Variants in NID1 observed in about 807,000 individuals in gnomAD.
The protein encoded by NID1 is nidogen 1.
A neutral mutation model predicts 130.6 loss-of-function variants in NID1; 76 were observed. The ratio of observed to expected loss-of-function variants is 0.58; its 90% CI spans 0.48 to 0.70. The LOEUF (loss-of-function observed/expected upper bound fraction) is 0.70, where lower values mean the gene tolerates loss of function less well. Among genes scored for constraint, NID1 ranks in the 30% least tolerant of loss-of-function variants. The pLI, the probability that NID1 is intolerant of heterozygous loss-of-function variation, is 0.00. For synonymous variants in NID1, 665 were observed against 675.1 expected (o/e 0.98, Z 0.23); for missense variants, 1,517 against 1,664.8 (o/e 0.91, Z 1.54).
chr1:236,057,668 A>C lies in NID1; in HGVS notation c.225+7187T>G, dbSNP rs769501528. ...AGCCGAAATCTCGCCACTGCACTCC[A>C]GCCTGGGCAACAGAGTAAGACTGAA... On this transcript the variant is annotated intron_variant, in intron 1 of 19. Transcript: ENST00000264187. Among the ~76,000 whole-genome samples the C allele has an allele frequency of 5.3e-4, 80 of 151,968 alleles. 1 individual carries two copies. Among genetic ancestry groups the C allele is most frequent in the Middle Eastern group, 3.2e-3 (1 of 314 alleles).
chr1:236,063,838 C>A (rs1660112224), intron 1 of NID1, among the ~76,000 whole-genome samples: 1 of 152,182 alleles, frequency 6.6e-6, no homozygotes, highest in Non-Finnish European at 1.5e-5. Context: ...CAGGCTTCAC[C>A]AGTGTGCAAA....
At chr1:235,996,394 T>A (rs1039342261) in intron 12 of NID1, among the ~76,000 whole-genome samples, 5 of 152,252 alleles carry the variant, frequency 3.3e-5, no homozygotes, top group South Asian at 2.1e-4. Context: ...GGTGCTTTTT[T>A]AAAAAATATA....
At position 236,048,971 on chromosome 1, in the gene NID1, T is replaced by C. The variant is rs756110563; in HGVS notation, c.244A>G (p.Ile82Val). Residue 82 changes from isoleucine to valine, a missense_variant, in exon 2 of 20, where the codon ATT (isoleucine) becomes GTT (valine). Physicochemically the swap from Ile to Val is conservative, Grantham distance 29. Coordinates refer to ENST00000264187, the MANE Select transcript of NID1 (RefSeq NM_002508.3). The part of the protein sequence containing the change: ...DAVYVTTNGI[I>V]ATSEPPAKES... The stretch of plus-strand genomic sequence containing the variant: ...TTGGCCGGGGGTTCACTCGTAGCAA[T>C]GATGCCATTTGTGGTGACCTGTACA... 4 of 1,613,828 alleles carry C rather than the reference T, an allele frequency of 2.5e-6. No individual in the cohort carries two copies. Among genetic ancestry groups the C allele is most frequent in the Admixed American group, 3.3e-5 (2 of 59,880 alleles).
chr1:236,040,958 C>T (rs899073283), intron 4 of NID1, among the ~76,000 whole-genome samples: 2 of 152,154 alleles, frequency 1.3e-5, no homozygotes, highest in Non-Finnish European at 2.9e-5. Context: ...AGCCACTGTG[C>T]CTGGCTAGAA....
At position 236,048,823 on chromosome 1, in the gene NID1, G is replaced by T. The variant is rs1473024511; in HGVS notation, c.392C>A (p.Thr131Asn). The T allele has an allele frequency of 6.2e-7, 1 of 1,614,056 alleles. No individual in the cohort carries two copies. The highest frequency in any genetic ancestry group is 8.5e-7 in the Non-Finnish European group (1 of 1,180,042). The part of the protein sequence containing the change: ...YYREDLSPSI[T>N]QRAAECVHRG... The stretch of plus-strand genomic sequence containing the variant: ...GTGGACACACTCTGCTGCTCGCTGA[G>T]TGATGGAGGGGGATAAGTCTTCTCG... Residue 131 changes from threonine to asparagine, a missense_variant, in exon 2 of 20, where the codon ACT becomes AAT. Coordinates refer to ENST00000264187, the MANE Select transcript of NID1 (RefSeq NM_002508.3).
At chr1:235,997,515 A>G (rs959233394) in intron 12 of NID1, among the ~76,000 whole-genome samples, 1 of 152,048 alleles carries the variant, frequency 6.6e-6, no homozygotes, top group African/African-American at 2.4e-5. Flanking sequence ...TAATAATAAA[A>G]AATATACTGT....
rs1360741179 is a variant in NID1 at position 236,042,309 on chromosome 1, G to T, written c.753-17C>A. The T allele has an allele frequency of 1.3e-6, 2 of 1,592,214 alleles. No homozygotes were observed. Among genetic ancestry groups the T allele is most frequent in the Non-Finnish European group, 1.7e-6 (2 of 1,174,954 alleles). Reference sequence around the variant, plus strand: ...TTACTACTCCTAGGAGGAAGGACAGGCTTCTTAGAAACAGGCCAGCAACCC... The same window carrying T: ...TTACTACTCCTAGGAGGAAGGACAGTCTTCTTAGAAACAGGCCAGCAACCC... On this transcript the variant is annotated splice_polypyrimidine_tract_variant and intron_variant, in intron 3 of 19. Coordinates refer to ENST00000264187, the MANE Select transcript of NID1 (RefSeq NM_002508.3).
intron 14 of NID1, among the ~76,000 whole-genome samples, chr1:235,987,591 C>T (rs891850349): frequency 2.6e-5 from 4 of 152,176 alleles, no homozygotes; most frequent in African/African-American, 7.2e-5. Flanking sequence ...CAGGAAGAAG[C>T]TGCCGGGCTG....
At chr1:235,984,409 G>GA (rs1572576310) in intron 15 of NID1, among the ~76,000 whole-genome samples, 1 of 152,084 alleles carries the variant, frequency 6.6e-6, no homozygotes, top group South Asian at 2.1e-4. Context: ...ACAAAGAAGG[G>GA]AAAAAATGCT....
intron 12 of NID1, among the ~76,000 whole-genome samples, chr1:236,009,960 C>G (rs541407185): frequency 7.2e-5 from 11 of 152,262 alleles, no homozygotes; most frequent in Non-Finnish European, 1.5e-4. Flanking sequence ...AGCCTACACG[C>G]CTGGATCTGT....
intron 1 of NID1, 83 bp downstream of exon 1, chr1:236,064,772 C>T (rs1660145443): frequency 2.2e-6 from 3 of 1,344,984 alleles, no homozygotes; most frequent in Admixed American, 2.2e-5. Context: ...CCGCCTGCTA[C>T]GCCCAAGTCC....
intron 13 of NID1, among the ~76,000 whole-genome samples, chr1:235,991,586 G>A (rs1657740294): frequency 6.6e-6 from 1 of 152,026 alleles, no homozygotes; most frequent in African/African-American, 2.4e-5. Context: ...GCCCACCTAG[G>A]TCTCCCAAAG....
Position 235,985,408 on chromosome 1 carries a change from C to A in NID1, c.3026G>T (p.Gly1009Val). 6.2e-7 allele frequency: 1 copy of A among 1,614,096 alleles called. No individual in the cohort carries two copies. The highest frequency in any genetic ancestry group is 8.5e-7 in the Non-Finnish European group (1 of 1,179,980). ...EPSIGRASLHGGEPTTIIRQD... is the reference protein window; with the variant it reads ...EPSIGRASLHVGEPTTIIRQD... ...TCTAATGATGGTGGTTGGCTCTCCA[C>A]CATGTAGACTAGCTCTCCCAATGGA... Residue 1009 changes from glycine (G) to valine (V), a missense_variant, in exon 15 of 20, where the codon GGT (glycine) becomes GTT (valine). Gly to Val is a moderately radical substitution (Grantham distance 109). Coordinates refer to ENST00000264187, the MANE Select transcript of NID1 (RefSeq NM_002508.3).
At chr1:236,009,029 T>C (rs1457935633) in intron 12 of NID1, among the ~76,000 whole-genome samples, 3 of 152,240 alleles carry the variant, frequency 2.0e-5, no homozygotes, top group Non-Finnish European at 4.4e-5. Context: ...GTATTCATAT[T>C]CCGACTGAGA....
At chr1:235,992,175 G>A (rs1046991367) in intron 13 of NID1, among the ~76,000 whole-genome samples, 1 of 152,186 alleles carries the variant, frequency 6.6e-6, no homozygotes, top group African/African-American at 2.4e-5. Context: ...TCCAGAGCCT[G>A]GTCTCCTGCT....
rs555791546 is a variant in NID1 at position 236,061,070 on chromosome 1, G to A, written c.225+3785C>T. On this transcript the variant is annotated intron_variant, in intron 1 of 19. Transcript: ENST00000264187. ...ATATCAGTGTTACCCAAAAGTCATGGTTGATGAGGAAAACCTCTTTACAGA... is the reference window on the plus strand; with the variant it reads ...ATATCAGTGTTACCCAAAAGTCATGATTGATGAGGAAAACCTCTTTACAGA... 2.6e-5 allele frequency among the ~76,000 whole-genome samples: 4 copies of A among 152,314 alleles called. No homozygotes were observed. The South Asian group carries it at 8.3e-4, about 32-fold the overall frequency.
At chr1:235,999,116 T>C (rs1278082831) in intron 12 of NID1, among the ~76,000 whole-genome samples, 5 of 152,238 alleles carry the variant, frequency 3.3e-5, no homozygotes, top group Admixed American at 3.3e-4. Flanking sequence ...CAAAATTACC[T>C]GTGCATCCAG....
At chr1:236,011,113 G>A (rs1048122757) in intron 12 of NID1, among the ~76,000 whole-genome samples, 1 of 152,066 alleles carries the variant, frequency 6.6e-6, no homozygotes, top group Admixed American at 6.6e-5. Context: ...GTGCTCACAG[G>A]CTAGTGAAGG....
intron 5 of NID1, among the ~76,000 whole-genome samples, chr1:236,033,237 G>A (rs1348667136): frequency 3.3e-5 from 5 of 152,214 alleles, no homozygotes; most frequent in Non-Finnish European, 5.9e-5. Flanking sequence ...GAACCCGGGA[G>A]GCTAAGGTTG....
Sources: allele counts gnomAD v4.1 joint callset (sites outside exome capture counted in the v4.1 genomes callset), GRCh38; gene constraint gnomAD v4.1.1; transcripts MANE v1.5; gene names NCBI Gene and HGNC (gene_info 2026-07-23, HGNC 2026-07-21).